Variants in FHIT observed in about 807,000 individuals in gnomAD.
FHIT encodes bis(5'-adenosyl)-triphosphatase.
A neutral mutation model predicts 17.9 loss-of-function variants in FHIT; 19 were observed. The ratio of observed to expected loss-of-function variants is 1.06; its 90% confidence interval spans 0.74 to 1.56. FHIT has a LOEUF of 1.56. Ranked by LOEUF, FHIT falls within the 40% of genes most tolerant of loss-of-function variation. The pLI, the probability that FHIT is intolerant of heterozygous loss-of-function variation, is 0.00. For missense variants in FHIT, 248 were observed against 189.2 expected (o/e 1.31, Z -1.82); for synonymous variants, 81 against 69.7 (o/e 1.16, Z -0.81).
At chr3:59,982,535 GAT>G in intron 7 of FHIT, among the ~76,000 whole-genome samples, 2 of 152,160 alleles carry the variant, frequency 1.3e-5, no homozygotes, top group African/African-American at 2.4e-5. Flanking sequence ...TTCCAGCTAA[GAT>G]CAAGTGTAAT....
rs56071877 is a variant in FHIT, at chr3:60,667,021, ATTTTTTTTTTTTTTT to A, written c.-17-130057_-17-130043del. ...AGGTGTGCACCACCATGCCTGGTTA[ATTTTTTTTTTTTTTT>A]TTTTTTTTTTTTTTGGTAGAGACAG... On this transcript the variant is annotated intron_variant, in intron 4 of 9. Transcript: ENST00000492590. Among the ~76,000 whole-genome samples, 7 of 34,126 alleles carry A rather than the reference ATTTTTTTTTTTTTTT, an allele frequency of 2.1e-4. No homozygotes were observed. The East Asian group carries it at 2.8e-3, about 14-fold the overall frequency. The allele number at this position is 34,126 out of a possible 152,430, so 22.4% of individuals were successfully genotyped here.
chr3:60,616,039 A>G (rs543129106), intron 4 of FHIT, among the ~76,000 whole-genome samples: 2 of 152,326 alleles, frequency 1.3e-5, no homozygotes, highest in East Asian at 3.9e-4. Context: ...TCTATGAGTT[A>G]TTAACACCCT....
chr3:60,989,846 G>A (rs1218635250), intron 3 of FHIT, among the ~76,000 whole-genome samples: 1 of 152,190 alleles, frequency 6.6e-6, no homozygotes, highest in Non-Finnish European at 1.5e-5. Context: ...GTTTGCATCT[G>A]TGCACTGCCT....
chr3:61,234,541 T>G (rs1425082708), intron 1 of FHIT, among the ~76,000 whole-genome samples: 1 of 152,116 alleles, frequency 6.6e-6, no homozygotes, highest in African/African-American at 2.4e-5. Context: ...GTTAGAAAAC[T>G]AACAGAACAA....
Position 60,119,057 on chromosome 3 carries a change from C to G in FHIT, c.104-104905G>C, listed in dbSNP as rs369876833. 1.5e-4 allele frequency among the ~76,000 whole-genome samples: 23 copies of G among 151,792 alleles called. No individual in the cohort carries two copies. The East Asian group carries it at 4.3e-3, about 28-fold the overall frequency. On this transcript the variant is annotated intron_variant, in intron 5 of 9. Coordinates refer to ENST00000492590, the MANE Select transcript of FHIT (RefSeq NM_002012.4). ...CAAAAAAAACNTCAGGGTCATTACC[C>G]TATTTCTTCAATTTTTAATTTATTT...
Position 61,036,901 on chromosome 3 carries a change from G to GTTTTTTTTTTTTTTTT in FHIT, c.-111+5145_-111+5146insAAAAAAAAAAAAAAAA, listed in dbSNP as rs746649804. Among the ~76,000 whole-genome samples the GTTTTTTTTTTTTTTTT allele has an allele frequency of 1.2e-3, 83 of 70,292 alleles. 1 individual carries two copies. The highest frequency in any genetic ancestry group is 2.1e-3 in the South Asian group (3 of 1,460). The allele number at this position is 70,292 out of a possible 152,430, so 46.1% of individuals were successfully genotyped here. ...TTCACCTCAAAGATCAGTCTGCTTT[G>GTTTTTTTTTTTTTTTT]TTTTTTTTTTTTGTTTGTTTGTTTT... On this transcript the variant is annotated intron_variant, in intron 3 of 9. Transcript: ENST00000492590.
At position 60,021,403 on chromosome 3, in the gene FHIT, C is replaced by G. The variant is rs982981686; in HGVS notation, c.104-7251G>C. ...GTAAATTGACAGGGGAGTCCGCAGC[C>G]CGATAGCATTCTGGTACAGATTCTT... On this transcript the variant is annotated intron_variant, in intron 5 of 9. Coordinates refer to ENST00000492590, the MANE Select transcript of FHIT (RefSeq NM_002012.4). 8.5e-5 allele frequency among the ~76,000 whole-genome samples: 13 copies of G among 152,222 alleles called. No homozygotes were observed. The East Asian group carries it at 2.5e-3, about 29-fold the overall frequency.
chr3:59,979,870 C>A (rs1278175904), intron 7 of FHIT, among the ~76,000 whole-genome samples: 4 of 152,128 alleles, frequency 2.6e-5, no homozygotes, highest in African/African-American at 9.7e-5. Context: ...AAATTCAGCA[C>A]TTTCTTAATG....
intron 6 of FHIT, 37 bp downstream of exon 6, chr3:60,013,970 G>A: frequency 6.2e-7 from 1 of 1,604,952 alleles, no homozygotes; most frequent in Non-Finnish European, 8.5e-7. Flanking sequence ...GATATGAAAG[G>A]GAAGAAAAAT....
chr3:60,066,709 T>G (rs1258408198), intron 5 of FHIT, among the ~76,000 whole-genome samples: 1 of 131,120 alleles, frequency 7.6e-6, no homozygotes, highest in Non-Finnish European at 1.6e-5. Context: ...CAGGCTGGAG[T>G]GCAGAGGCAC....
intron 5 of FHIT, among the ~76,000 whole-genome samples, chr3:60,344,229 T>G (rs1710665586): frequency 6.6e-6 from 1 of 152,210 alleles, no homozygotes; most frequent in South Asian, 2.1e-4. Flanking sequence ...CTAATACTTC[T>G]CCATTCTCTG....
chr3:61,026,379 C>G (rs552585330), intron 3 of FHIT, among the ~76,000 whole-genome samples: 2 of 152,026 alleles, frequency 1.3e-5, no homozygotes, highest in Non-Finnish European at 2.9e-5. Context: ...TTCTATAGAA[C>G]GACAATAATA....
At chr3:59,916,408 G>C (rs1310284302) in intron 8 of FHIT, among the ~76,000 whole-genome samples, 1 of 152,082 alleles carries the variant, frequency 6.6e-6, no homozygotes, top group African/African-American at 2.4e-5. Context: ...TCCTCCGCTT[G>C]CAGATGGCCT....
chr3:60,126,504 T>C (rs1399486059), intron 5 of FHIT, among the ~76,000 whole-genome samples: 1 of 152,224 alleles, frequency 6.6e-6, no homozygotes, highest in East Asian at 1.9e-4. Flanking sequence ...CTACCGTTTA[T>C]TGGACACATA....
chr3:60,646,177 T>C (rs1439778335), intron 4 of FHIT, among the ~76,000 whole-genome samples: 1 of 152,214 alleles, frequency 6.6e-6, no homozygotes, highest in East Asian at 1.9e-4. Context: ...TAGCAGTGTT[T>C]GCAGCTAGGA....
intron 5 of FHIT, among the ~76,000 whole-genome samples, chr3:60,519,411 G>C (rs1045536431): frequency 2.0e-5 from 3 of 152,132 alleles, no homozygotes; most frequent in African/African-American, 7.2e-5. Flanking sequence ...CAATTAAGGG[G>C]CAAGTGATCC....
chr3:59,935,820 C>G (rs1432368627), intron 7 of FHIT, among the ~76,000 whole-genome samples: 1 of 152,084 alleles, frequency 6.6e-6, no homozygotes, highest in Non-Finnish European at 1.5e-5. Context: ...CTCTTAATTT[C>G]TTAGCTTGCT....
intron 3 of FHIT, among the ~76,000 whole-genome samples, chr3:60,838,037 T>C (rs1490333833): frequency 2.0e-5 from 3 of 152,240 alleles, no homozygotes; most frequent in Admixed American, 6.5e-5. Flanking sequence ...TTTTGCTATG[T>C]TTTTTTCTTC....
chr3:60,390,487 C>G (rs1292307542), intron 5 of FHIT, among the ~76,000 whole-genome samples: 1 of 144,468 alleles, frequency 6.9e-6, no homozygotes, highest in Admixed American at 7.0e-5. Flanking sequence ...GAGTCTACTT[C>G]TTCTATTTAT....
Sources: gnomAD v4.1 joint callset for allele counts (sites outside exome capture counted in the v4.1 genomes callset) on GRCh38, gnomAD v4.1.1 for gene constraint, MANE v1.5 for transcripts, NCBI Gene and HGNC (gene_info 2026-07-23, HGNC 2026-07-21) for gene names.